Variants in CIAO1 observed in about 807,000 individuals in gnomAD.
CIAO1 encodes the protein cytosolic iron-sulfur assembly component 1.
In CIAO1, 32 loss-of-function variants were observed where a neutral mutation model predicts 43.1. The ratio of observed to expected loss-of-function variants is 0.74; its 90% CI spans 0.56 to 1.00. The LOEUF (loss-of-function observed/expected upper bound fraction) is 1.00, where lower values mean the gene tolerates loss of function less well. Among genes scored for constraint, CIAO1 ranks in the 50% least tolerant of loss-of-function variants. The pLI, the probability that CIAO1 is intolerant of heterozygous loss-of-function variation, is 0.00. For missense variants in CIAO1, 415 were observed against 437.4 expected, an observed-to-expected ratio of 0.95 and a Z score of 0.46; for synonymous variants, 183 against 171.4, an observed-to-expected ratio of 1.07 and a Z score of -0.53.
chr2:96,273,778 G>A lies in CIAO1; in HGVS notation c.*2427G>A, dbSNP rs1042498036. Reference sequence around the variant, plus strand: ...TTTTCCAACTGCGTATCTGTGTGAAGTCAACTTACTTCAACAAAAAAGTTT... The same window carrying A: ...TTTTCCAACTGCGTATCTGTGTGAAATCAACTTACTTCAACAAAAAAGTTT... On this transcript the variant is annotated 3_prime_UTR_variant, in exon 7 of 7. Coordinates refer to ENST00000488633, the MANE Select transcript of CIAO1 (RefSeq NM_004804.3). Among the ~76,000 whole-genome samples the A allele has an allele frequency of 6.6e-6, 1 of 151,866 alleles. No homozygotes were observed. The highest frequency in any genetic ancestry group is 1.5e-5 in the Non-Finnish European group (1 of 68,002).
At chr2:96,271,076 G>A (rs1284978415) in intron 6 of CIAO1, 35 bp from the exon 7 acceptor site, 1 of 1,612,488 alleles carries the variant, frequency 6.2e-7, no homozygotes, top group Admixed American at 1.7e-5. Flanking sequence ...GGCCTAATTA[G>A]TCAGGTATAC....
At chr2:96,268,775 G>A in intron 5 of CIAO1, 117 bp downstream of exon 5, 1 of 972,798 alleles carries the variant, frequency 1.0e-6, no homozygotes, top group Non-Finnish European at 1.6e-6. Flanking sequence ...CTACAAGAGG[G>A]CTCTGGATAG....
chr2:96,272,144 G>C lies in CIAO1; in HGVS notation c.*793G>C, dbSNP rs1558760173. Reference sequence around the variant, plus strand: ...CCATTTTCATGGCAGGGAGTGATCAGGAAGAAGGCTTCCTAGGGGACTGGC... The same window carrying C: ...CCATTTTCATGGCAGGGAGTGATCACGAAGAAGGCTTCCTAGGGGACTGGC... On this transcript the variant is annotated 3_prime_UTR_variant, in exon 7 of 7. Coordinates refer to ENST00000488633, the MANE Select transcript of CIAO1 (RefSeq NM_004804.3). 1 of 152,234 alleles carries C rather than the reference G, an allele frequency of 6.6e-6. No individual in the cohort carries two copies. The highest frequency in any genetic ancestry group is 2.4e-5 in the African/African-American group (1 of 41,466). 9.4% of individuals were successfully genotyped at this position (152,234 alleles called of 1,614,324 possible).
rs1017113565 is a variant in CIAO1 at position 96,271,013 on chromosome 2, A to T, written c.780-98A>T. 13 of 1,461,460 alleles carry T rather than the reference A, an allele frequency of 8.9e-6. No homozygotes were observed. The South Asian group carries it at 1.6e-4, about 19-fold the overall frequency. 90.5% of individuals were successfully genotyped at this position (1,461,460 alleles called of 1,614,324 possible). A position where few individuals can be genotyped will look rare whatever the true frequency, so the allele number is the denominator to read the frequency against. ...CATTTTAATAAGAGGTTTTTAGCTG[A>T]GGCCTGAAGTTAGGGAAGAGAACAG... On this transcript the variant is annotated intron_variant, in intron 6 of 6. Coordinates refer to ENST00000488633, the MANE Select transcript of CIAO1 (RefSeq NM_004804.3).
intron 1 of CIAO1, 153 bp from the exon 2 acceptor site, chr2:96,267,168 G>C: frequency 7.7e-6 from 2 of 261,244 alleles, no homozygotes; most frequent in Non-Finnish European, 1.4e-5. Flanking sequence ...AAAGCTTCCA[G>C]ACGAAGTAGA....
At position 96,267,651 on chromosome 2, in the gene CIAO1, A is replaced by T; in HGVS notation, c.315A>T (p.Glu105Asp). ...GTGTAACCACTCTCGAGGGCCATGA[A>T]AATGAGGTCAAGTCAGTGGCTTGGG... ...FECVTTLEGH[E>D]NEVKSVAWAP... The change falls in exon 3 of 7, where the codon GAA becomes GAT. Residue 105 changes from glutamate to aspartate, a missense_variant. Transcript: ENST00000488633. 6.2e-7 allele frequency: 1 copy of T among 1,614,192 alleles called. No individual in the cohort carries two copies. The highest frequency in any genetic ancestry group is 8.5e-7 in the Non-Finnish European group (1 of 1,180,028).
intron 4 of CIAO1, 143 bp downstream of exon 4, chr2:96,268,067 G>C (rs1322144325): frequency 2.7e-6 from 2 of 732,784 alleles, no homozygotes; most frequent in Admixed American, 2.2e-5. Flanking sequence ...TATAAAAACA[G>C]ATCCGGCTGG....
chr2:96,268,199 C>G (rs1684474317), intron 4 of CIAO1, among the ~76,000 whole-genome samples: 1 of 152,086 alleles, frequency 6.6e-6, no homozygotes, highest in Non-Finnish European at 1.5e-5. Context: ...ACTAAAAATA[C>G]AAAATTAGCG....
chr2:96,266,231 A>AGCGGGAGCCTCTGTCGGCC lies in CIAO1; in HGVS notation c.-115_-97dup, dbSNP rs1684424767. The AGCGGGAGCCTCTGTCGGCC allele has an allele frequency of 8.6e-6, 10 of 1,160,420 alleles. No homozygotes were observed. The highest frequency in any genetic ancestry group is 1.1e-5 in the Non-Finnish European group (10 of 907,670). The allele number at this position is 1,160,420 out of a possible 1,614,324, so 71.9% of individuals were successfully genotyped here. On this transcript the variant is annotated 5_prime_UTR_variant, in exon 1 of 7. Transcript: ENST00000488633. ...GGGGCGACCCAGGTCCTCCGGCGGA[A>AGCGGGAGCCTCTGTCGGCC]GCGGGAGCCTCTGTCGGCCGCGGAA...
At chr2:96,269,189 G>T in intron 5 of CIAO1, 79 bp from the exon 6 acceptor site, 1 of 1,194,694 alleles carries the variant, frequency 8.4e-7, no homozygotes, top group Non-Finnish European at 1.3e-6. Context: ...AGATGAGGGT[G>T]AGGGAAGGTA....
intron 5 of CIAO1, chr2:96,268,913 A>G (rs887502012): frequency 3.5e-6 from 2 of 570,044 alleles, no homozygotes; most frequent in Non-Finnish European, 3.1e-6. Flanking sequence ...GTGAGTAAAG[A>G]TAACAATGGC....
Position 96,271,452 on chromosome 2 carries a change from T to A in CIAO1, c.*101T>A. ...AGGAGGAGCATCCTTGACCTTCATT[T>A]AACTTGGCTCACTTCTCTTCAGACT... On this transcript the variant is annotated 3_prime_UTR_variant, in exon 7 of 7. Transcript: ENST00000488633. The A allele has an allele frequency of 7.0e-7, 1 of 1,422,586 alleles. No homozygotes were observed. Among genetic ancestry groups the A allele is most frequent in the Non-Finnish European group, 9.5e-7 (1 of 1,056,702 alleles). The allele number at this position is 1,422,586 out of a possible 1,614,324, so 88.1% of individuals were successfully genotyped here.
At chr2:96,267,501 C>G in intron 2 of CIAO1, 32 bp downstream of exon 2, 1 of 1,612,030 alleles carries the variant, frequency 6.2e-7, no homozygotes, top group Non-Finnish European at 8.5e-7. Flanking sequence ...AGAATTATTG[C>G]CTGTTTCCTC....
Position 96,267,312 on chromosome 2 carries a change from C to G in CIAO1, c.140-9C>G. On this transcript the variant is annotated splice_polypyrimidine_tract_variant and intron_variant, in intron 1 of 6. Coordinates refer to ENST00000488633, the MANE Select transcript of CIAO1 (RefSeq NM_004804.3). ...CAGCTCCAGAGCCTGGCCTGCGCTC[C>G]GCCTTTAGGTGACAGCTGGATCTGC... is the stretch of plus-strand genomic sequence containing the variant. The G allele has an allele frequency of 6.2e-7, 1 of 1,607,772 alleles. No individual in the cohort carries two copies. The highest frequency in any genetic ancestry group is 8.5e-7 in the Non-Finnish European group (1 of 1,175,522).
chr2:96,266,616 C>G (rs1043691762), intron 1 of CIAO1, 127 bp downstream of exon 1: 15 of 1,057,286 alleles, frequency 1.4e-5, no homozygotes, highest in African/African-American at 4.9e-5. Context: ...TTAGCCACGC[C>G]GAGAAGGGCT....
chr2:96,266,295 C>A lies in CIAO1; in HGVS notation c.-56C>A. On this transcript the variant is annotated 5_prime_UTR_variant, in exon 1 of 7. Transcript: ENST00000488633. ...GGTACGCAGACGCGCGCGGTGAGAC[C>A]CGCTGTCTGCTCAGCGGACTCTGCC... 1 of 1,321,764 alleles carries A rather than the reference C, an allele frequency of 7.6e-7. No homozygotes were observed. The highest frequency in any genetic ancestry group is 9.7e-7 in the Non-Finnish European group (1 of 1,026,094). The allele number at this position is 1,321,764 out of a possible 1,614,324, so 81.9% of individuals were successfully genotyped here.
Position 96,268,614 on chromosome 2 carries a change from G to A in CIAO1, c.647G>A (p.Arg216His), listed in dbSNP as rs142522111. ...CGCCTGGCGTCTTGTAGTGATGACC[G>A]TACTGTGCGTATCTGGCGTCAGTAT... Reference protein sequence around the residue: ...GQRLASCSDDRTVRIWRQYLP... With the variant: ...GQRLASCSDDHTVRIWRQYLP... Residue 216 changes from arginine to histidine, a missense_variant, in exon 5 of 7, where the codon CGT becomes CAT. Physicochemically the swap from Arg to His is conservative, Grantham distance 29. Coordinates refer to ENST00000488633, the MANE Select transcript of CIAO1 (RefSeq NM_004804.3). 391 of 1,614,210 alleles carry A rather than the reference G, an allele frequency of 2.4e-4. 2 individuals are homozygous for A. The East Asian group carries it at 3.6e-3, about 15-fold the overall frequency.
At position 96,267,255 on chromosome 2, in the gene CIAO1, C is replaced by G; in HGVS notation, c.140-66C>G. The G allele has an allele frequency of 2.6e-6, 4 of 1,528,768 alleles. No individual in the cohort carries two copies. In the South Asian group the frequency reaches 3.8e-5, roughly 14 times the overall value. The allele number at this position is 1,528,768 out of a possible 1,614,324, so 94.7% of individuals were successfully genotyped here. A position where few individuals can be genotyped will look rare whatever the true frequency, so the allele number is the denominator to read the frequency against. ...CACTAGCTTGATTCCAGTGCTAGCC[C>G]CTGATATTGAATGGCTTCATGGTGC... is the stretch of plus-strand genomic sequence containing the variant. On this transcript the variant is annotated intron_variant, in intron 1 of 6. Coordinates refer to ENST00000488633, the MANE Select transcript of CIAO1 (RefSeq NM_004804.3).
chr2:96,267,513 C>T, intron 2 of CIAO1, 44 bp downstream of exon 2: 1 of 1,611,016 alleles, frequency 6.2e-7, no homozygotes, highest in South Asian at 1.1e-5. Flanking sequence ...TGTTTCCTCC[C>T]CAGGGCTGGT....
Sources: gnomAD v4.1 joint callset for allele counts (sites outside exome capture counted in the v4.1 genomes callset) on GRCh38, gnomAD v4.1.1 for gene constraint, MANE v1.5 for transcripts, NCBI Gene and HGNC (gene_info 2026-07-23, HGNC 2026-07-21) for gene names.